The following SARDH variants were observed in gnomAD, a reference collection of about 807,000 sequenced individuals.
The protein encoded by SARDH is sarcosine dehydrogenase, mitochondrial.
SARDH carries 95 observed loss-of-function variants against 109.1 expected under a neutral mutation model. The observed-to-expected ratio is 0.87, with a 90% CI of 0.74 to 1.03. SARDH has a LOEUF of 1.03. Among genes scored for constraint, SARDH ranks in the 50% least tolerant of loss-of-function variants. SARDH has a pLI of 0.00. For missense variants in SARDH, 1,267 were observed against 1,287.8 expected (o/e 0.98, Z 0.25); for synonymous variants, 572 against 534.8 (o/e 1.07, Z -0.96).
chr9:133,669,482 C>T (rs570283028), intron 19 of SARDH, among the ~76,000 whole-genome samples: 99 of 151,424 alleles, frequency 6.5e-4, no homozygotes, highest in African/African-American at 2.4e-3. Context: ...TGCTTCAGAC[C>T]CCCGTGGGCA....
At chr9:133,697,385 C>T (rs1831323117) in intron 13 of SARDH, among the ~76,000 whole-genome samples, 1 of 152,146 alleles carries the variant, frequency 6.6e-6, no homozygotes, top group African/African-American at 2.4e-5. Flanking sequence ...CCAAACTCTT[C>T]CAAAAAATAT....
intron 17 of SARDH, among the ~76,000 whole-genome samples, chr9:133,673,114 G>A (rs1830405883): frequency 6.6e-6 from 1 of 152,352 alleles, no homozygotes; most frequent in South Asian, 2.1e-4. Flanking sequence ...AGGACAGCTG[G>A]TGTCTTTGGG....
chr9:133,734,154 G>T lies in SARDH; in HGVS notation c.20C>A (p.Ala7Asp). Reference sequence around the variant, plus strand: ...AGGGTGGGCAGCAGCCACACGTAGGGCTCGGCTCAGTGAGGCCATGGGGGC... The same window carrying T: ...AGGGTGGGCAGCAGCCACACGTAGGTCTCGGCTCAGTGAGGCCATGGGGGC... MASLSRALRVAAAHPRQ... is the reference protein window; with the variant it reads MASLSRDLRVAAAHPRQ... Residue 7 changes from alanine to aspartate, a missense_variant, in exon 2 of 21, where the codon GCC becomes GAC. Transcript: ENST00000439388. The T allele has an allele frequency of 6.3e-7, 1 of 1,599,864 alleles. No homozygotes were observed. The highest frequency in any genetic ancestry group is 8.5e-7 in the Non-Finnish European group (1 of 1,173,628).
intron 10 of SARDH, among the ~76,000 whole-genome samples, chr9:133,710,533 C>T (rs1193496626): frequency 6.6e-6 from 1 of 152,240 alleles, no homozygotes; most frequent in African/African-American, 2.4e-5. Flanking sequence ...ACGACCCACG[C>T]GTGTTCTGGC....
chr9:133,716,995 T>A (rs1480989020), intron 8 of SARDH, among the ~76,000 whole-genome samples: 1 of 152,078 alleles, frequency 6.6e-6, no homozygotes, highest in African/African-American at 2.4e-5. Flanking sequence ...ATTTTACAGA[T>A]GAAAACACAG....
chr9:133,719,331 C>G (rs1832240295), intron 6 of SARDH, among the ~76,000 whole-genome samples: 1 of 152,096 alleles, frequency 6.6e-6, no homozygotes, highest in Non-Finnish European at 1.5e-5. Flanking sequence ...GGGAGGGAAG[C>G]AAAACATATA....
chr9:133,700,574 T>C (rs926367445), intron 13 of SARDH, among the ~76,000 whole-genome samples: 1 of 152,212 alleles, frequency 6.6e-6, no homozygotes, highest in African/African-American at 2.4e-5. Context: ...TATCTTTTGC[T>C]GGGAGATGAA....
chr9:133,661,460 C>T (rs945824547), downstream of SARDH, among the ~76,000 whole-genome samples: 1 of 152,002 alleles, frequency 6.6e-6, no homozygotes, highest in Non-Finnish European at 1.5e-5. Flanking sequence ...AGCGCTCTGC[C>T]GGTGACGATG....
At position 133,713,049 on chromosome 9, in the gene SARDH, A is replaced by G; in HGVS notation, c.1226T>C (p.Phe409Ser). The G allele has an allele frequency of 6.2e-7, 1 of 1,612,002 alleles. No homozygotes were observed. The highest frequency in any genetic ancestry group is 8.5e-7 in the Non-Finnish European group (1 of 1,179,446). Residue 409 changes from phenylalanine (F) to serine (S), a missense_variant, in exon 9 of 21, where the codon TTC becomes TCC. Coordinates refer to ENST00000439388, the MANE Select transcript of SARDH (RefSeq NM_001134707.2). ...ELRGFFLGCG[F>S]NSAGMMLGGG... Reference sequence around the variant, plus strand: ...CTGCCCGGACTCACCTGCGCTGTTGAAGCCACAGCCCAGGAAGAACCCTCG... The same window carrying G: ...CTGCCCGGACTCACCTGCGCTGTTGGAGCCACAGCCCAGGAAGAACCCTCG...
intron 1 of SARDH, among the ~76,000 whole-genome samples, chr9:133,735,007 G>C (rs1208526568): frequency 2.6e-5 from 4 of 152,162 alleles, no homozygotes; most frequent in Non-Finnish European, 5.9e-5. Context: ...CAGGGAGGGG[G>C]TTGTGTTGAG....
At chr9:133,706,445 G>A (rs1363691781) in intron 11 of SARDH, among the ~76,000 whole-genome samples, 1 of 152,176 alleles carries the variant, frequency 6.6e-6, no homozygotes, top group African/African-American at 2.4e-5. Flanking sequence ...TGCCAAGGCT[G>A]GTGGGAGGAG....
intron 17 of SARDH, among the ~76,000 whole-genome samples, chr9:133,681,998 C>A (rs1476874365): frequency 1.3e-5 from 2 of 151,262 alleles, no homozygotes; most frequent in African/African-American, 4.8e-5. Context: ...TAGCACTGGG[C>A]AAGCGAGGGG....
chr9:133,704,457 C>T lies in SARDH; in HGVS notation c.1554+491G>A, dbSNP rs560681063. Among the ~76,000 whole-genome samples, 36 of 152,278 alleles carry T rather than the reference C, an allele frequency of 2.4e-4. No homozygotes were observed. The highest frequency in any genetic ancestry group is 8.2e-4 in the African/African-American group (34 of 41,524). On this transcript the variant is annotated intron_variant, in intron 12 of 20. Transcript: ENST00000439388. This position sits in a 1 kb window ranked among gnomAD's most constrained non-coding sequence, Gnocchi z 4.5. ...CAGGTCCCTGGGAGTCCCCAGAGGA[C>T]GCCCAGAGTCCAGGCCACTGTGAAA...
intron 15 of SARDH, 110 bp downstream of exon 15, chr9:133,694,148 T>A (rs1831198882): frequency 1.3e-6 from 1 of 775,576 alleles, no homozygotes; most frequent in African/African-American, 1.8e-5. Flanking sequence ...CAACAGCTAA[T>A]GACAGAGCTG....
intron 17 of SARDH, among the ~76,000 whole-genome samples, chr9:133,676,738 C>T (rs1286077824): frequency 6.6e-6 from 1 of 152,210 alleles, no homozygotes; most frequent in Admixed American, 6.5e-5. Flanking sequence ...AAACAGATAA[C>T]AGCAGAGAAT....
chr9:133,712,636 C>T lies in SARDH; in HGVS notation c.1311G>A (p.Met437Ile). Residue 437 changes from methionine (M) to isoleucine (I), a missense_variant, in exon 10 of 21, where the codon ATG becomes ATA. Transcript: ENST00000439388. The surrounding 1 kb of genome is among the most constrained non-coding windows in gnomAD (Gnocchi z 4.1). Reference protein sequence around the residue: ...WIIHGRPEKDMHGYDIRRFHH... With the variant: ...WIIHGRPEKDIHGYDIRRFHH... The stretch of plus-strand genomic sequence containing the variant: ...GCACTTACCTGATGTCATAGCCATG[C>T]ATGTCCTTCTCCGGGCGCCCATGGA... 1 of 1,609,948 alleles carries T rather than the reference C, an allele frequency of 6.2e-7. No individual in the cohort carries two copies. Among genetic ancestry groups the T allele is most frequent in the Non-Finnish European group, 8.5e-7 (1 of 1,179,942 alleles).
intron 15 of SARDH, among the ~76,000 whole-genome samples, chr9:133,694,029 C>T (rs1344422952): frequency 6.6e-6 from 1 of 152,240 alleles, no homozygotes; most frequent in Non-Finnish European, 1.5e-5. Context: ...TGGACAGGTT[C>T]AGAGATGCAA....
chr9:133,704,875 G>A lies in SARDH; in HGVS notation c.1554+73C>T, dbSNP rs536004289. ...GCGGGGCACACGGAGGGGCAAGGACGGGGCACGTGGAGGGGCAAGGGGGTT... is the reference window on the plus strand; with the variant it reads ...GCGGGGCACACGGAGGGGCAAGGACAGGGCACGTGGAGGGGCAAGGGGGTT... On this transcript the variant is annotated intron_variant, in intron 12 of 20. Transcript: ENST00000439388. This position sits in a 1 kb window ranked among gnomAD's most constrained non-coding sequence, Gnocchi z 4.5. The A allele has an allele frequency of 3.1e-5, 41 of 1,314,998 alleles. No homozygotes were observed. The highest frequency in any genetic ancestry group is 2.4e-4 in the Middle Eastern group (1 of 4,180). 81.5% of individuals were successfully genotyped at this position (1,314,998 alleles called of 1,614,324 possible).
chr9:133,729,975 A>C (rs1588455420), intron 5 of SARDH, 89 bp downstream of exon 5: 11 of 1,590,574 alleles, frequency 6.9e-6, no homozygotes, highest in Non-Finnish European at 9.4e-6. Flanking sequence ...GGGGCTCCCC[A>C]CCCCAGAAAG....
Sources: gnomAD v4.1 joint callset for allele counts (sites outside exome capture counted in the v4.1 genomes callset) on GRCh38, gnomAD v4.1.1 for gene constraint, Gnocchi (gnomAD v3.1) non-coding constraint, MANE v1.5 for transcripts, NCBI Gene and HGNC (gene_info 2026-07-23, HGNC 2026-07-21) for gene names.